Variants in RALGAPA1 observed in about 807,000 individuals in gnomAD.
The protein encoded by RALGAPA1 is ral GTPase-activating protein subunit alpha-1.
RALGAPA1 carries 52 observed loss-of-function variants against 269.6 expected under a neutral mutation model. That is an observed-to-expected ratio of 0.19 (90% CI 0.15 to 0.24). The LOEUF is 0.24. Among genes scored for constraint, RALGAPA1 ranks in the 10% least tolerant of loss-of-function variants. The pLI is 1.00. For synonymous variants in RALGAPA1, 817 were observed against 1,008.3 expected, an observed-to-expected ratio of 0.81 and a Z score of 3.60; for missense variants, 1,917 against 3,013.9, an observed-to-expected ratio of 0.64 and a Z score of 8.52.
At chr14:35,683,712 G>C in intron 21 of RALGAPA1, 97 bp downstream of exon 21, 2 of 874,530 alleles carry the variant, frequency 2.3e-6, no homozygotes, top group Non-Finnish European at 3.4e-6. Context: ...TACTTAAATA[G>C]TAATAAGTAA....
intron 41 of RALGAPA1, among the ~76,000 whole-genome samples, chr14:35,541,372 A>C (rs990587713): frequency 3.3e-5 from 5 of 152,238 alleles, no homozygotes; most frequent in Admixed American, 3.3e-4. Context: ...ACCAAATGTT[A>C]GAGTTATACT....
At chr14:35,791,376 G>A (rs1242553303) in intron 1 of RALGAPA1, among the ~76,000 whole-genome samples, 1 of 152,180 alleles carries the variant, frequency 6.6e-6, no homozygotes, top group Non-Finnish European at 1.5e-5. Flanking sequence ...GGCCAAGGCA[G>A]GTGGATCACC....
At chr14:35,626,383 A>C (rs1343921922) in intron 34 of RALGAPA1, among the ~76,000 whole-genome samples, 2 of 152,204 alleles carry the variant, frequency 1.3e-5, no homozygotes, top group African/African-American at 4.8e-5. Context: ...GAGACAATAC[A>C]TTACCCCTCC....
intron 41 of RALGAPA1, among the ~76,000 whole-genome samples, chr14:35,541,017 A>G (rs2053918577): frequency 6.8e-6 from 1 of 147,698 alleles, no homozygotes; most frequent in Non-Finnish European, 1.5e-5. Context: ...GCAATTAAGA[A>G]TATGTCTTTG....
chr14:35,612,214 T>A (rs971783286), intron 35 of RALGAPA1, among the ~76,000 whole-genome samples: 4 of 151,422 alleles, frequency 2.6e-5, no homozygotes, highest in Non-Finnish European at 5.9e-5. Context: ...TCTACAAAAA[T>A]TTAAAAATTG....
At chr14:35,691,352 TG>T (rs2066465701) in intron 17 of RALGAPA1, among the ~76,000 whole-genome samples, 1 of 152,084 alleles carries the variant, frequency 6.6e-6, no homozygotes, top group African/African-American at 2.4e-5. Flanking sequence ...GAATCCATCA[TG>T]GTCTGTAAGT....
At chr14:35,585,168 G>T (rs2058201618) in intron 37 of RALGAPA1, among the ~76,000 whole-genome samples, 1 of 152,160 alleles carries the variant, frequency 6.6e-6, no homozygotes, top group African/African-American at 2.4e-5. Context: ...GCATCAAAAT[G>T]CATCAAGCAA....
chr14:35,709,475 G>A (rs2068103000), intron 16 of RALGAPA1, among the ~76,000 whole-genome samples: 1 of 151,996 alleles, frequency 6.6e-6, no homozygotes, highest in Non-Finnish European at 1.5e-5. Flanking sequence ...CTTAGCTACA[G>A]ATTTATTGGT....
chr14:35,802,449 T>A (rs1345059040), intron 1 of RALGAPA1, among the ~76,000 whole-genome samples: 2 of 151,994 alleles, frequency 1.3e-5, no homozygotes, highest in African/African-American at 4.8e-5. Context: ...AAGATCAAAG[T>A]AGAAAGTATT....
At chr14:35,670,934 AAAGAG>A (rs1272806776) in intron 26 of RALGAPA1, among the ~76,000 whole-genome samples, 5 of 149,512 alleles carry the variant, frequency 3.3e-5, no homozygotes, top group Non-Finnish European at 4.5e-5. Flanking sequence ...AAAAAAAAAA[AAAGAG>A]AGAGAGAGAG....
chr14:35,611,700 A>C (rs2059946141), intron 35 of RALGAPA1, among the ~76,000 whole-genome samples: 1 of 151,984 alleles, frequency 6.6e-6, no homozygotes. Flanking sequence ...ATGCCATTGC[A>C]CTCTAGGCTG....
At chr14:35,749,734 T>C (rs1044761216) in intron 9 of RALGAPA1, among the ~76,000 whole-genome samples, 1 of 152,080 alleles carries the variant, frequency 6.6e-6, no homozygotes, top group African/African-American at 2.4e-5. Flanking sequence ...TTGCTAAAGA[T>C]AAATAAACTA....
intron 37 of RALGAPA1, among the ~76,000 whole-genome samples, chr14:35,578,588 C>A (rs536041700): frequency 6.6e-6 from 1 of 152,302 alleles, no homozygotes; most frequent in Admixed American, 6.5e-5. Flanking sequence ...AAACAACAGG[C>A]ACAGCATCCA....
At chr14:35,750,719 C>A in intron 8 of RALGAPA1, 29 bp from the exon 9 acceptor site, 1 of 1,507,722 alleles carries the variant, frequency 6.6e-7, no homozygotes, top group Non-Finnish European at 9.0e-7. Context: ...AGATGAAAAC[C>A]AAAATAAGAA....
At chr14:35,626,861 T>C (rs2061020732) in intron 34 of RALGAPA1, among the ~76,000 whole-genome samples, 1 of 152,060 alleles carries the variant, frequency 6.6e-6, no homozygotes, top group Admixed American at 6.5e-5. Context: ...CTAAGTCAAA[T>C]AGTTCCAGTA....
chr14:35,636,490 G>C (rs1483083307), intron 31 of RALGAPA1, among the ~76,000 whole-genome samples: 2 of 152,020 alleles, frequency 1.3e-5, no homozygotes, highest in Non-Finnish European at 2.9e-5. Flanking sequence ...ATTATCAGAA[G>C]ACAAAGAACA....
intron 16 of RALGAPA1, among the ~76,000 whole-genome samples, chr14:35,705,408 T>C (rs1171633640): frequency 1.3e-5 from 2 of 152,128 alleles, no homozygotes; most frequent in African/African-American, 4.8e-5. Flanking sequence ...TTTTCCACAA[T>C]GTCATATATT....
At chr14:35,630,165 A>C (rs994668358) in intron 33 of RALGAPA1, among the ~76,000 whole-genome samples, 2 of 152,246 alleles carry the variant, frequency 1.3e-5, no homozygotes, top group Non-Finnish European at 2.9e-5. Flanking sequence ...AATTCCAAAA[A>C]AGAATAGTTT....
intron 3 of RALGAPA1, among the ~76,000 whole-genome samples, chr14:35,773,905 A>AATT (rs547517754): frequency 0.016 from 2,461 of 151,192 alleles, 33 homozygotes; most frequent in African/African-American, 0.025. Context: ...CTAAAGAGTG[A>AATT]ATTATTATTA....
Sources: gnomAD v4.1 joint callset for allele counts (sites outside exome capture counted in the v4.1 genomes callset) on GRCh38, gnomAD v4.1.1 for gene constraint, MANE v1.5 for transcripts, NCBI Gene and HGNC (gene_info 2026-07-23, HGNC 2026-07-21) for gene names.